The following MCTP1 variants were observed in gnomAD, a reference collection of about 807,000 sequenced individuals.
The protein encoded by MCTP1 is multiple C2 and transmembrane domain-containing protein 1.
Under a neutral mutation model 120.6 loss-of-function variants are expected in MCTP1, and 69 were observed. The observed-to-expected ratio is 0.57, with a 90% CI of 0.47 to 0.70. The LOEUF (loss-of-function observed/expected upper bound fraction) is 0.70. MCTP1 is among the 30% of genes least tolerant of loss of function. MCTP1 has a pLI of 0.00. For synonymous variants in MCTP1, 529 were observed against 493.1 expected, an observed-to-expected ratio of 1.07 and a Z score of -0.96; for missense variants, 1,203 against 1,248.8, an observed-to-expected ratio of 0.96 and a Z score of 0.55.
At chr5:94,778,607 A>G (rs1313995492) in intron 19 of MCTP1, among the ~76,000 whole-genome samples, 1 of 152,082 alleles carries the variant, frequency 6.6e-6, no homozygotes, top group African/African-American at 2.4e-5. Context: ...GCCATTCCAA[A>G]CCTCGGCAAG....
intron 3 of MCTP1, among the ~76,000 whole-genome samples, chr5:94,950,516 T>C (rs985130330): frequency 4.6e-5 from 7 of 152,192 alleles, no homozygotes; most frequent in Non-Finnish European, 7.3e-5. Context: ...TTATAGTATA[T>C]GTATGTGTAC....
chr5:95,017,220 G>C (rs1837287141), intron 2 of MCTP1, 147 bp downstream of exon 2: 1 of 489,988 alleles, frequency 2.0e-6, no homozygotes, highest in African/African-American at 2.0e-5. Flanking sequence ...CAGGAGTCAA[G>C]TAATGTGTCA....
chr5:94,937,646 A>G (rs1199097329), intron 5 of MCTP1, among the ~76,000 whole-genome samples: 1 of 152,052 alleles, frequency 6.6e-6, no homozygotes, highest in Non-Finnish European at 1.5e-5. Context: ...TGAAGAAAAA[A>G]TAATGTTGGA....
chr5:95,160,520 T>C lies in MCTP1; in HGVS notation c.720+123336A>G, dbSNP rs1466176498. Among the ~76,000 whole-genome samples, 86 of 152,152 alleles carry C rather than the reference T, an allele frequency of 5.7e-4. 1 individual carries two copies. The highest frequency in any genetic ancestry group is 5.6e-3 in the Admixed American group (85 of 15,274). The stretch of plus-strand genomic sequence containing the variant: ...AAGAGACATTATTTCTTTTAATTTT[T>C]ATTATTTTTTGAGACATTGGTCTGG... On this transcript the variant is annotated intron_variant, in intron 1 of 22. Transcript: ENST00000515393.
chr5:94,838,953 G>A (rs113108103), intron 17 of MCTP1, among the ~76,000 whole-genome samples: 5 of 152,250 alleles, frequency 3.3e-5, no homozygotes, highest in African/African-American at 4.8e-5. Context: ...AGTATAGTGC[G>A]ATTAAAGACC....
Position 95,284,173 on chromosome 5 carries a change from C to G in MCTP1, c.403G>C (p.Gly135Arg). 3 of 1,575,272 alleles carry G rather than the reference C, an allele frequency of 1.9e-6. No homozygotes were observed. The highest frequency in any genetic ancestry group is 2.6e-6 in the Non-Finnish European group (3 of 1,161,602). ...GCTGCTCCCGAGGCCGCCGCGGGCC[C>G]CTTTACGGCGGGGAGCAAATGCTCG... ...IREHLLPAVK[G>R]PAAASGAAGG... is the part of the protein sequence containing the mutation. The change falls in exon 1 of 23, where the codon GGG becomes CGG. Residue 135 changes from glycine to arginine, a missense_variant. Transcript: ENST00000515393. The surrounding 1 kb of genome is among the most constrained non-coding windows in gnomAD (Gnocchi z 5.2).
intron 1 of MCTP1, among the ~76,000 whole-genome samples, chr5:95,176,528 C>T (rs1239373839): frequency 1.3e-5 from 2 of 152,074 alleles, no homozygotes; most frequent in African/African-American, 4.8e-5. Context: ...CTGTTTTAAA[C>T]AACAACAAAA....
chr5:94,807,240 A>G (rs1454137904), intron 17 of MCTP1, among the ~76,000 whole-genome samples: 2 of 152,196 alleles, frequency 1.3e-5, no homozygotes, highest in Non-Finnish European at 2.9e-5. Flanking sequence ...TCAAATTAGA[A>G]AGATAACAAA....
chr5:95,005,574 A>G (rs561539504), intron 2 of MCTP1, among the ~76,000 whole-genome samples: 1 of 152,162 alleles, frequency 6.6e-6, no homozygotes, highest in East Asian at 1.9e-4. Flanking sequence ...CTCATGATAG[A>G]GTTCTCAAGA....
intron 1 of MCTP1, among the ~76,000 whole-genome samples, chr5:95,056,376 T>C (rs1425431787): frequency 1.3e-5 from 2 of 152,202 alleles, no homozygotes; most frequent in Non-Finnish European, 2.9e-5. Context: ...CAGATCACGG[T>C]AGTTAAGCTT....
At chr5:95,198,669 G>A (rs781653518) in intron 1 of MCTP1, among the ~76,000 whole-genome samples, 1 of 152,088 alleles carries the variant, frequency 6.6e-6, no homozygotes, top group African/African-American at 2.4e-5. Context: ...AAAGACCAAC[G>A]TTGAGCATTT....
chr5:94,976,925 G>T (rs571787980), intron 2 of MCTP1: 3 of 152,138 alleles, frequency 2.0e-5, no homozygotes, highest in Non-Finnish European at 4.4e-5. Context: ...GGAACACGAT[G>T]CCCACTCTCA....
chr5:94,977,914 C>T (rs1003574201), intron 2 of MCTP1, among the ~76,000 whole-genome samples: 4 of 151,970 alleles, frequency 2.6e-5, no homozygotes, highest in South Asian at 2.1e-4. Context: ...ACCAAAAGCA[C>T]AGGAAACAAA....
chr5:95,086,627 T>A (rs1755461284), intron 1 of MCTP1, among the ~76,000 whole-genome samples: 1 of 152,198 alleles, frequency 6.6e-6, no homozygotes, highest in Non-Finnish European at 1.5e-5. Flanking sequence ...CCCAAACCAA[T>A]AACTCAGAGA....
chr5:94,724,504 G>A (rs1761691216), intron 19 of MCTP1, among the ~76,000 whole-genome samples: 1 of 150,008 alleles, frequency 6.7e-6, no homozygotes, highest in Non-Finnish European at 1.5e-5. Flanking sequence ...CTCCCACCTT[G>A]GTCTCCCAAA....
chr5:95,190,780 G>C (rs1040412134), intron 1 of MCTP1, among the ~76,000 whole-genome samples: 3 of 152,168 alleles, frequency 2.0e-5, no homozygotes, highest in African/African-American at 4.8e-5. Flanking sequence ...ATGTACATTT[G>C]AGAAGACACT....
chr5:94,947,373 C>T (rs931360156), intron 3 of MCTP1, among the ~76,000 whole-genome samples: 4 of 151,664 alleles, frequency 2.6e-5, no homozygotes, highest in African/African-American at 7.3e-5. Context: ...ATCTAATTGG[C>T]ACTCATTCAG....
intron 19 of MCTP1, among the ~76,000 whole-genome samples, chr5:94,725,890 T>G (rs963506636): frequency 6.6e-6 from 1 of 152,244 alleles, no homozygotes; most frequent in Non-Finnish European, 1.5e-5. Flanking sequence ...TTGGTAAATA[T>G]TAGTCGTTAA....
intron 1 of MCTP1, among the ~76,000 whole-genome samples, chr5:95,095,476 A>C (rs1397562548): frequency 1.3e-5 from 2 of 152,220 alleles, no homozygotes; most frequent in African/African-American, 4.8e-5. Flanking sequence ...AAGAGATCAC[A>C]GGGTAAAGAA....
Sources: allele counts gnomAD v4.1 joint callset (sites outside exome capture counted in the v4.1 genomes callset), GRCh38; gene constraint gnomAD v4.1.1; non-coding constraint Gnocchi (gnomAD v3.1); transcripts MANE v1.5; gene names NCBI Gene and HGNC (gene_info 2026-07-23, HGNC 2026-07-21).